The following KLHL1 variants were observed in gnomAD, a reference collection of about 807,000 sequenced individuals.
The protein encoded by KLHL1 is kelch-like protein 1.
A neutral mutation model predicts 77.7 loss-of-function variants in KLHL1; 47 were observed. The ratio of observed to expected loss-of-function variants is 0.60; its 90% CI spans 0.48 to 0.77. The LOEUF (loss-of-function observed/expected upper bound fraction) is 0.77, where lower values mean the gene tolerates loss of function less well. Ranked by LOEUF, KLHL1 falls within the 30% of genes least tolerant of loss-of-function variation. The probability of loss-of-function intolerance (pLI) is 0.00; values close to 1 mark genes in which losing one functional copy is unlikely to be tolerated. For missense variants in KLHL1, 925 were observed against 910.8 expected (o/e 1.02, Z -0.20); for synonymous variants, 360 against 325.2 (o/e 1.11, Z -1.15).
intron 4 of KLHL1, among the ~76,000 whole-genome samples, chr13:69,909,410 C>T (rs898724202): frequency 6.6e-6 from 1 of 151,582 alleles, no homozygotes; most frequent in African/African-American, 2.4e-5. Flanking sequence ...TTTTTAATCA[C>T]AAAAGAGGCT....
chr13:70,083,025 A>G (rs1784111342), intron 1 of KLHL1, among the ~76,000 whole-genome samples: 1 of 152,152 alleles, frequency 6.6e-6, no homozygotes, highest in Non-Finnish European at 1.5e-5. Flanking sequence ...TATAAAAGAT[A>G]TTAAACAGTG....
At chr13:69,893,881 A>G (rs1396082148) in intron 4 of KLHL1, among the ~76,000 whole-genome samples, 1 of 152,134 alleles carries the variant, frequency 6.6e-6, no homozygotes, top group Non-Finnish European at 1.5e-5. Flanking sequence ...TTTTTGGGAA[A>G]CACAGTGTTG....
In KLHL1 at chr13:69,800,927, A is replaced by G. The variant is rs138353124; in HGVS notation, c.1415-3965T>C. Among the ~76,000 whole-genome samples, 766 of 152,316 alleles carry G rather than the reference A, an allele frequency of 5.0e-3. 10 individuals are homozygous for G. The highest frequency in any genetic ancestry group is 0.017 in the African/African-American group (703 of 41,576). On this transcript the variant is annotated intron_variant, in intron 6 of 10. Coordinates refer to ENST00000377844, the MANE Select transcript of KLHL1 (RefSeq NM_020866.3). Reference sequence around the variant, plus strand: ...TATGTAATAAACTTGGAAGGGATTCAAAATGAAAGTTTACTTTAAGACATA... The same window carrying G: ...TATGTAATAAACTTGGAAGGGATTCGAAATGAAAGTTTACTTTAAGACATA...
chr13:69,931,782 T>A (rs1883011369), intron 4 of KLHL1, among the ~76,000 whole-genome samples: 1 of 151,750 alleles, frequency 6.6e-6, no homozygotes, highest in Admixed American at 6.6e-5. Flanking sequence ...TTGACACTTA[T>A]TTTAACTTAA....
chr13:69,987,345 G>T (rs1461760234), intron 1 of KLHL1, among the ~76,000 whole-genome samples: 5 of 151,942 alleles, frequency 3.3e-5, no homozygotes, highest in Non-Finnish European at 5.9e-5. Context: ...CTATTTTCTT[G>T]CAGCAATTAC....
At position 69,961,392 on chromosome 13, in the gene KLHL1, C is replaced by T. The variant is rs749268736; in HGVS notation, c.733G>A (p.Val245Ile). 16 of 1,612,970 alleles carry T rather than the reference C, an allele frequency of 9.9e-6. No homozygotes were observed. The highest frequency in any genetic ancestry group is 1.6e-4 in the Middle Eastern group (1 of 6,076). Residue 245 changes from valine (V) to isoleucine (I), a missense_variant, in exon 3 of 11, where the codon GTT becomes ATT. By Grantham distance (29) the Val-to-Ile change is conservative (BLOSUM62 3). Coordinates refer to ENST00000377844, the MANE Select transcript of KLHL1 (RefSeq NM_020866.3). ...DYFAAMFTSDVCEAKQEEIKM... is the reference protein window; with the variant it reads ...DYFAAMFTSDICEAKQEEIKM... ...ATCTCCTCTTGCTTGGCTTCACAAA[C>T]ATCACTTGTAAACATGGCCGCAAAA...
chr13:69,901,164 A>G (rs1231490287), intron 4 of KLHL1, among the ~76,000 whole-genome samples: 2 of 152,242 alleles, frequency 1.3e-5, no homozygotes, highest in African/African-American at 4.8e-5. Flanking sequence ...GGTTAAATGC[A>G]AAGACTTATT....
intron 9 of KLHL1, among the ~76,000 whole-genome samples, chr13:69,710,902 C>CA (rs1875844433): frequency 6.6e-6 from 1 of 151,874 alleles, no homozygotes; most frequent in Non-Finnish European, 1.5e-5. Flanking sequence ...CCTTCCTGGT[C>CA]AGAGTGTGAG....
chr13:69,985,540 G>GT (rs1332516095), intron 1 of KLHL1, among the ~76,000 whole-genome samples: 1 of 151,604 alleles, frequency 6.6e-6, no homozygotes, highest in Non-Finnish European at 1.5e-5. Context: ...TATTATGTTG[G>GT]TGGGAATGTA....
intron 4 of KLHL1, among the ~76,000 whole-genome samples, chr13:69,911,677 T>C (rs1882244180): frequency 1.3e-5 from 2 of 152,086 alleles, no homozygotes; most frequent in Admixed American, 6.6e-5. Context: ...GACTCATTTA[T>C]GTTGTGTATT....
At chr13:69,855,337 T>TACATAGAG (rs1879853860) in intron 5 of KLHL1, among the ~76,000 whole-genome samples, 1 of 72,310 alleles carries the variant, frequency 1.4e-5, no homozygotes, top group South Asian at 4.0e-4. Context: ...GATAGATAGA[T>TACATAGAG]AGATAGATAG....
chr13:69,886,497 T>C (rs1400638241), intron 4 of KLHL1, among the ~76,000 whole-genome samples: 1 of 151,446 alleles, frequency 6.6e-6, no homozygotes, highest in South Asian at 2.1e-4. Context: ...GTTAATAATA[T>C]ATATATAAAA....
chr13:70,080,726 A>G (rs939342858), intron 1 of KLHL1, among the ~76,000 whole-genome samples: 7 of 151,924 alleles, frequency 4.6e-5, no homozygotes, highest in Admixed American at 4.6e-4. Context: ...CCTCCCGAGT[A>G]GCTGGGACTA....
At chr13:69,861,747 A>C (rs1880170477) in intron 5 of KLHL1, among the ~76,000 whole-genome samples, 1 of 145,678 alleles carries the variant, frequency 6.9e-6, no homozygotes, top group African/African-American at 2.5e-5. Context: ...CGGGAGTTCG[A>C]GATCAGCCTG....
chr13:70,035,480 G>T (rs191649298), intron 1 of KLHL1, among the ~76,000 whole-genome samples: 116 of 151,760 alleles, frequency 7.6e-4, no homozygotes, highest in Admixed American at 2.0e-3. Flanking sequence ...TGGTTAATGG[G>T]TACAAAAAAT....
intron 5 of KLHL1, among the ~76,000 whole-genome samples, chr13:69,873,873 C>T (rs1880671741): frequency 6.6e-6 from 1 of 152,132 alleles, no homozygotes; most frequent in Admixed American, 6.6e-5. Flanking sequence ...GAAAAGACCT[C>T]TACATCTGTA....
chr13:69,738,176 AAAAC>A (rs1489737505), intron 8 of KLHL1, among the ~76,000 whole-genome samples: 1 of 152,208 alleles, frequency 6.6e-6, no homozygotes, highest in African/African-American at 2.4e-5. Context: ...TGCTAAAAGA[AAAAC>A]AAACAGAAAG....
Position 69,997,274 on chromosome 13 carries a change from TTTTC to T in KLHL1, c.498-21476_498-21473del, listed in dbSNP as rs199630248. On this transcript the variant is annotated intron_variant, in intron 1 of 10. Transcript: ENST00000377844. Reference sequence around the variant, plus strand: ...ATTCTTATTTTATTCAAATTTTATTTTTTCTTTTTTATTTTTAATTAGTTAATAT... The same window carrying T: ...ATTCTTATTTTATTCAAATTTTATTTTTTTTTATTTTTAATTAGTTAATAT... Among the ~76,000 whole-genome samples, 749 of 147,304 alleles carry T rather than the reference TTTTC, an allele frequency of 5.1e-3. 5 individuals are homozygous for T. Among genetic ancestry groups the T allele is most frequent in the African/African-American group, 0.018 (681 of 37,662 alleles).
rs747323423 is a variant in KLHL1 at position 69,961,286 on chromosome 13, T to C, written c.817+22A>G. On this transcript the variant is annotated intron_variant, in intron 3 of 10. Transcript: ENST00000377844. ...TAAAATTTATAAGACATCAGAATGA[T>C]GTTATAATTATTTTGCCATACCTGT... 4 of 1,593,990 alleles carry C rather than the reference T, an allele frequency of 2.5e-6. No individual in the cohort carries two copies. The South Asian group carries it at 4.5e-5, about 18-fold the overall frequency.
Sources: gnomAD v4.1 joint callset for allele counts (sites outside exome capture counted in the v4.1 genomes callset) on GRCh38, gnomAD v4.1.1 for gene constraint, MANE v1.5 for transcripts, NCBI Gene and HGNC (gene_info 2026-07-23, HGNC 2026-07-21) for gene names.